The following ESR1 variants were observed in gnomAD, a reference collection of about 807,000 sequenced individuals.
The protein encoded by ESR1 is estrogen receptor.
In ESR1, 12 loss-of-function variants were observed where a neutral mutation model predicts 52.7. The ratio of observed to expected loss-of-function variants is 0.23; its 90% CI spans 0.15 to 0.37. The LOEUF (loss-of-function observed/expected upper bound fraction) is 0.37. Ranked by LOEUF, ESR1 falls within the 10% of genes least tolerant of loss-of-function variation. The pLI is 1.00. For missense variants in ESR1, 584 were observed against 779.7 expected (o/e 0.75, Z 2.99); for synonymous variants, 305 against 316.8 (o/e 0.96, Z 0.39).
chr6:151,675,979 A>G (rs2115273178), intron 1 of ESR1, among the ~76,000 whole-genome samples: 1 of 152,334 alleles, frequency 6.6e-6, no homozygotes, highest in South Asian at 2.1e-4. Context: ...ATTCCAAGGC[A>G]CAGGTGGAGG....
intron 2 of ESR1, among the ~76,000 whole-genome samples, chr6:151,863,311 T>G (rs1273559696): frequency 6.6e-6 from 1 of 152,186 alleles, no homozygotes; most frequent in African/African-American, 2.4e-5. Flanking sequence ...TGTCCTCTTT[T>G]ATTTCATTGA....
chr6:151,896,649 C>T (rs1795550743), intron 3 of ESR1, among the ~76,000 whole-genome samples: 1 of 151,654 alleles, frequency 6.6e-6, no homozygotes, highest in Admixed American at 6.6e-5. Flanking sequence ...CTTTTTGTTT[C>T]ATTTATCTTT....
chr6:151,965,753 A>G (rs1285221808), intron 4 of ESR1, among the ~76,000 whole-genome samples: 1 of 152,050 alleles, frequency 6.6e-6, no homozygotes, highest in East Asian at 1.9e-4. Flanking sequence ...TTGTACATTT[A>G]CCCTTCTTTT....
At chr6:151,659,537 A>G (rs771765289) in intron 1 of ESR1, among the ~76,000 whole-genome samples, 53 of 152,200 alleles carry the variant, frequency 3.5e-4, no homozygotes, top group Admixed American at 1.2e-3. Flanking sequence ...CTCATGGCTA[A>G]TGAATGCTAA....
intron 1 of ESR1, among the ~76,000 whole-genome samples, chr6:151,661,020 C>T (rs569764903): frequency 1.1e-4 from 17 of 151,968 alleles, no homozygotes; most frequent in East Asian, 3.9e-4. Flanking sequence ...TTAAAATTGA[C>T]GGATACTGAT....
At chr6:151,992,154 G>T (rs2223921) in intron 4 of ESR1, among the ~76,000 whole-genome samples, 19,830 of 152,088 alleles carry the variant, frequency 0.13, 1,316 homozygotes, top group South Asian at 0.19. Flanking sequence ...AATGTATTGT[G>T]ATAATATATA....
chr6:151,993,002 G>C (rs2041163493), intron 4 of ESR1, among the ~76,000 whole-genome samples: 1 of 152,058 alleles, frequency 6.6e-6, no homozygotes, highest in Admixed American at 6.6e-5. Flanking sequence ...AAAAGTTGAT[G>C]GGGGAGATGG....
intron 6 of ESR1, among the ~76,000 whole-genome samples, chr6:152,108,369 C>T (rs2051092961): frequency 6.6e-6 from 1 of 152,248 alleles, no homozygotes; most frequent in Non-Finnish European, 1.5e-5. Context: ...CAAATCTGCA[C>T]TGTACTTATA....
intron 3 of ESR1, among the ~76,000 whole-genome samples, chr6:151,935,229 T>C (rs1407316264): frequency 6.6e-6 from 1 of 152,198 alleles, no homozygotes; most frequent in African/African-American, 2.4e-5. Context: ...ATTATTATTA[T>C]TACTGATTGC....
At position 151,901,457 on chromosome 6, in the gene ESR1, G is replaced by A. The variant is rs567197359; in HGVS notation, c.760+20686G>A. 1.9e-3 allele frequency among the ~76,000 whole-genome samples: 296 copies of A among 152,298 alleles called. 1 individual carries two copies. Among genetic ancestry groups the A allele is most frequent in the African/African-American group, 6.6e-3 (276 of 41,562 alleles). Reference sequence around the variant, plus strand: ...TCCCTCCCCCAAGTTCTGGCCAGGTGACTTCATGTTTGGTTGGAATTGTTA... The same window carrying A: ...TCCCTCCCCCAAGTTCTGGCCAGGTAACTTCATGTTTGGTTGGAATTGTTA... On this transcript the variant is annotated intron_variant, in intron 3 of 7. Coordinates refer to ENST00000206249, the MANE Select transcript of ESR1 (RefSeq NM_000125.4).
At chr6:151,783,581 C>A (rs1040600203) in intron 2 of ESR1, among the ~76,000 whole-genome samples, 1 of 152,044 alleles carries the variant, frequency 6.6e-6, no homozygotes, top group Non-Finnish European at 1.5e-5. Context: ...ATTAAATACA[C>A]CTTTTATTTT....
intron 2 of ESR1, among the ~76,000 whole-genome samples, chr6:151,867,414 T>TACACAC (rs34943625): frequency 0.027 from 3,986 of 147,516 alleles, 152 homozygotes; most frequent in African/African-American, 0.081. Context: ...TCAACAAATT[T>TACACAC]ACACACACAC....
chr6:151,691,757 A>G (rs1232805961), intron 1 of ESR1, among the ~76,000 whole-genome samples: 1 of 152,250 alleles, frequency 6.6e-6, no homozygotes, highest in Non-Finnish European at 1.5e-5. Context: ...TGAAACGTAC[A>G]GAGAACTTAA....
chr6:152,066,131 G>A (rs1033068878), intron 6 of ESR1, among the ~76,000 whole-genome samples: 4 of 152,298 alleles, frequency 2.6e-5, no homozygotes, highest in South Asian at 4.1e-4. Context: ...CCATGATGGT[G>A]CCCTCATGAA....
At chr6:152,047,139 C>A (rs1374234197) in intron 5 of ESR1, among the ~76,000 whole-genome samples, 1 of 152,072 alleles carries the variant, frequency 6.6e-6, no homozygotes, top group Non-Finnish European at 1.5e-5. Context: ...TTGCTACTCC[C>A]TGTTTTATTT....
At chr6:151,780,021 C>A (rs1223115844) in intron 2 of ESR1, among the ~76,000 whole-genome samples, 1 of 151,780 alleles carries the variant, frequency 6.6e-6, no homozygotes, top group Non-Finnish European at 1.5e-5. Context: ...AACCATCATT[C>A]TCAGCAAACT....
At chr6:151,692,514 T>C (rs1378492189) in intron 1 of ESR1, among the ~76,000 whole-genome samples, 2 of 151,860 alleles carry the variant, frequency 1.3e-5, no homozygotes, top group African/African-American at 4.8e-5. Flanking sequence ...CCATCCACAC[T>C]GTAAAAAAAA....
chr6:152,022,014 T>C (rs1038088306), intron 5 of ESR1, among the ~76,000 whole-genome samples: 1 of 152,166 alleles, frequency 6.6e-6, no homozygotes, highest in East Asian at 1.9e-4. Context: ...TGTATGTCTT[T>C]ATCAGCAGCA....
intron 5 of ESR1, among the ~76,000 whole-genome samples, chr6:152,018,410 T>A (rs927840056): frequency 2.6e-5 from 4 of 151,112 alleles, no homozygotes; most frequent in Non-Finnish European, 5.9e-5. Context: ...GCAGATTTTT[T>A]ACTTGGAAGA....
Sources: gnomAD v4.1 joint callset for allele counts (sites outside exome capture counted in the v4.1 genomes callset) on GRCh38, gnomAD v4.1.1 for gene constraint, MANE v1.5 for transcripts, NCBI Gene and HGNC (gene_info 2026-07-23, HGNC 2026-07-21) for gene names.